The following MGAT4C variants were observed in gnomAD, a reference collection of about 807,000 sequenced individuals.
MGAT4C encodes alpha-1,3-mannosyl-glycoprotein 4-beta-N-acetylglucosaminyltransferase C.
In MGAT4C, 19 loss-of-function variants were observed where a neutral mutation model predicts 40.1. The ratio of observed to expected loss-of-function variants is 0.47; its 90% CI spans 0.33 to 0.70. The LOEUF (loss-of-function observed/expected upper bound fraction) is 0.70, where lower values mean the gene tolerates loss of function less well. MGAT4C is among the 30% of genes least tolerant of loss of function. The pLI is 0.02. For synonymous variants in MGAT4C, 181 were observed against 187.1 expected (o/e 0.97, Z 0.27); for missense variants, 491 against 563.2 (o/e 0.87, Z 1.30).
chr12:86,152,034 C>G, intron 1 of MGAT4C, among the ~76,000 whole-genome samples: 1 of 152,208 alleles, frequency 6.6e-6, no homozygotes, highest in East Asian at 1.9e-4. Context: ...GTTGGTACAA[C>G]GACTTGTTGC....
Position 86,064,367 on chromosome 12 carries a change from G to A in MGAT4C, c.-56-14644C>T, listed in dbSNP as rs186616066. On this transcript the variant is annotated intron_variant, in intron 1 of 4. Transcript: ENST00000611864. ...TGCACTCCAGCCTGGGCAACAGAGC[G>A]AGACTACGTCTCAAAAAAAAGAAAT... 8.0e-3 allele frequency among the ~76,000 whole-genome samples: 1,210 copies of A among 152,170 alleles called. 12 individuals are homozygous for A. Among genetic ancestry groups the A allele is most frequent in the African/African-American group, 0.027 (1,125 of 41,504 alleles).
chr12:86,660,972 A>T (rs1963967445), intron 2 of MGAT4C, among the ~76,000 whole-genome samples: 1 of 152,198 alleles, frequency 6.6e-6, no homozygotes, highest in Non-Finnish European at 1.5e-5. Context: ...ATGGTGATTC[A>T]TAGCCCTGGG....
intron 1 of MGAT4C, among the ~76,000 whole-genome samples, chr12:86,784,867 A>G (rs958301653): frequency 6.6e-6 from 1 of 151,976 alleles, no homozygotes; most frequent in Non-Finnish European, 1.5e-5. Context: ...CAGTTCTGAA[A>G]AACTAACTCA....
chr12:86,112,278 C>A (rs187709098), intron 1 of MGAT4C, among the ~76,000 whole-genome samples: 2 of 151,584 alleles, frequency 1.3e-5, no homozygotes, highest in African/African-American at 4.8e-5. Context: ...TATGTAATCT[C>A]GCCTCTCTCT....
intron 2 of MGAT4C, among the ~76,000 whole-genome samples, chr12:86,024,562 C>T (rs569264723): frequency 2.0e-5 from 3 of 151,834 alleles, no homozygotes; most frequent in Non-Finnish European, 4.4e-5. Context: ...AAGTTGCACT[C>T]TAACATCTGA....
chr12:86,013,754 A>G, intron 2 of MGAT4C: 3 of 984,404 alleles, frequency 3.0e-6, no homozygotes, highest in Non-Finnish European at 3.6e-6. Flanking sequence ...TCAGGTCCAC[A>G]GAATCTTAGT....
At chr12:86,152,427 C>G (rs1181707713) in intron 1 of MGAT4C, among the ~76,000 whole-genome samples, 1 of 152,178 alleles carries the variant, frequency 6.6e-6, no homozygotes, top group Non-Finnish European at 1.5e-5. Context: ...GGCACTCCCT[C>G]TAGCCTTTCT....
chr12:86,004,680 G>A (rs2136788552), intron 2 of MGAT4C, among the ~76,000 whole-genome samples: 1 of 152,280 alleles, frequency 6.6e-6, no homozygotes, highest in East Asian at 1.9e-4. Context: ...GTGAAGAAGA[G>A]TGATTATGGT....
At chr12:86,728,064 G>A (rs1283543993) in intron 1 of MGAT4C, among the ~76,000 whole-genome samples, 2 of 152,072 alleles carry the variant, frequency 1.3e-5, no homozygotes. Context: ...GTTTTATTCA[G>A]ATAAAAGTTA....
At chr12:86,740,544 G>GC (rs1290007275) in intron 1 of MGAT4C, among the ~76,000 whole-genome samples, 1 of 151,148 alleles carries the variant, frequency 6.6e-6, no homozygotes, top group Non-Finnish European at 1.5e-5. Flanking sequence ...TGCCACTTCT[G>GC]ATTTTGTAGT....
At chr12:86,040,942 C>T (rs191318800) in intron 2 of MGAT4C, among the ~76,000 whole-genome samples, 13 of 152,212 alleles carry the variant, frequency 8.5e-5, no homozygotes, top group East Asian at 7.8e-4. Flanking sequence ...GGGAGTTCCC[C>T]GAGCCCTTGT....
intron 4 of MGAT4C, among the ~76,000 whole-genome samples, chr12:86,303,416 A>C (rs1311464110): frequency 6.6e-6 from 1 of 150,496 alleles, no homozygotes; most frequent in Non-Finnish European, 1.5e-5. Flanking sequence ...CTATAGGAAT[A>C]GATGAAATCA....
intron 2 of MGAT4C, among the ~76,000 whole-genome samples, chr12:86,506,964 A>G (rs1269524778): frequency 6.6e-6 from 1 of 152,198 alleles, no homozygotes; most frequent in African/African-American, 2.4e-5. Context: ...GTTATTGACC[A>G]GGATTGTGAA....
chr12:86,444,604 C>T (rs934284024), intron 2 of MGAT4C, among the ~76,000 whole-genome samples: 1 of 152,164 alleles, frequency 6.6e-6, no homozygotes, highest in Non-Finnish European at 1.5e-5. Context: ...GCAAATCTGA[C>T]CTTACTCCAG....
intron 4 of MGAT4C, among the ~76,000 whole-genome samples, chr12:86,276,412 G>T (rs1953082992): frequency 6.6e-6 from 1 of 152,098 alleles, no homozygotes; most frequent in Non-Finnish European, 1.5e-5. Context: ...TACCCTTTAT[G>T]TTACAAACAA....
chr12:86,541,891 G>GT (rs1298947194), intron 2 of MGAT4C, among the ~76,000 whole-genome samples: 2 of 152,094 alleles, frequency 1.3e-5, no homozygotes, highest in African/African-American at 4.8e-5. Context: ...CTCACTTCTG[G>GT]TTTAGGCTTA....
intron 2 of MGAT4C, among the ~76,000 whole-genome samples, chr12:86,652,869 A>C (rs1213293853): frequency 6.6e-6 from 1 of 151,878 alleles, no homozygotes. Context: ...TATTTCACTT[A>C]AACTCATTTG....
chr12:86,538,408 G>T lies in MGAT4C; in HGVS notation c.-228-103143C>A, dbSNP rs371098069. ...TGGACACCAGGCACTACAGTCCAGA[G>T]GATCTCATGATGGAGTTTACATGGA... On this transcript the variant is annotated intron_variant, in intron 2 of 7. Coordinates refer to the MGAT4C transcript ENST00000548651. Among the ~76,000 whole-genome samples the T allele has an allele frequency of 1.4e-3, 210 of 152,264 alleles. 1 individual carries two copies. The highest frequency in any genetic ancestry group is 4.7e-3 in the African/African-American group (197 of 41,558).
intron 4 of MGAT4C, among the ~76,000 whole-genome samples, chr12:86,288,196 TG>T (rs1953404381): frequency 6.6e-6 from 1 of 152,218 alleles, no homozygotes; most frequent in Non-Finnish European, 1.5e-5. Flanking sequence ...TTAATGGGGT[TG>T]TTTTTTTCTT....
Sources: gnomAD v4.1 joint callset for allele counts (sites outside exome capture counted in the v4.1 genomes callset) on GRCh38, gnomAD v4.1.1 for gene constraint, MANE v1.5 for transcripts, NCBI Gene and HGNC (gene_info 2026-07-23, HGNC 2026-07-21) for gene names.